The following DDX53 variants were observed in gnomAD, a reference collection of about 807,000 sequenced individuals.
DDX53 encodes the protein DEAD box protein 53.
For synonymous variants in DDX53, 179 were observed against 170.8 expected (o/e 1.05, Z -0.37); for missense variants, 481 against 485.1 (o/e 0.99, Z 0.08).
chrX:23,001,704 C>T lies in DDX53; in HGVS notation c.1647C>T (p.Asp549=), dbSNP rs768020057. The T allele has an allele frequency of 7.4e-6, 9 of 1,208,424 alleles. No homozygotes were observed. Among genetic ancestry groups the T allele is most frequent in the African/African-American group, 3.5e-5 (2 of 57,086 alleles). ...VYNYDFPRNI[D]VYVHRVGYIG... Reference sequence around the variant, plus strand: ...ATTATGATTTCCCAAGGAATATTGACGTATATGTACACAGAGTAGGGTACA... The same window carrying T: ...ATTATGATTTCCCAAGGAATATTGATGTATATGTACACAGAGTAGGGTACA... Residue 549 remains aspartate (D), a synonymous_variant, in exon 1 of 1, where the codon GAC becomes GAT. Coordinates refer to ENST00000327968, the MANE Select transcript of DDX53 (RefSeq NM_182699.4).
Position 23,001,669 on chromosome X carries a change from CAT to C in DDX53, c.1613_1614del (p.His538ArgfsTer3). 1.7e-6 allele frequency: 2 copies of C among 1,210,801 alleles called. No homozygotes were observed. The highest frequency in any genetic ancestry group is 2.2e-6 in the Non-Finnish European group (2 of 894,888). ...AGGTCTTGATCTTAATGATGTCACA[CAT>C]GTATATAATTATGATTTCCCAAGGA... ...SRGLDLNDVTHVYNYDFPRNI... is the reference protein window; with the variant it reads ...SRGLDLNDVTXVYNYDFPRNI... On this transcript the variant is annotated frameshift_variant, in exon 1 of 1. Coordinates refer to ENST00000327968, the MANE Select transcript of DDX53 (RefSeq NM_182699.4). LOFTEE classifies it low-confidence loss of function (END_TRUNC).
rs142798320 is a variant in DDX53 at position 23,001,042 on chromosome X, A to C, written c.985A>C (p.Ile329Leu). The stretch of plus-strand genomic sequence containing the variant: ...ATATAAAGGTCTCAAAAGCATTTGC[A>C]TATATGGTGGTAGAAACAGAAATGG... ...YSYKGLKSIC[I>L]YGGRNRNGQI... is the part of the protein sequence containing the mutation. Residue 329 changes from isoleucine (I) to leucine (L), a missense_variant, in exon 1 of 1, where the codon ATA (isoleucine) becomes CTA (leucine). Coordinates refer to ENST00000327968, the MANE Select transcript of DDX53 (RefSeq NM_182699.4). 1.7e-6 allele frequency: 2 copies of C among 1,204,434 alleles called. No individual in the cohort carries two copies. The highest frequency in any genetic ancestry group is 3.5e-5 in the African/African-American group (2 of 57,129).
chrX:23,000,225 G>A lies in DDX53; in HGVS notation c.168G>A (p.Lys56=). ...SREPPLCFKI[K]NNMVGVVIGY... is the part of the protein sequence containing the mutation. ...AACCACCACTCTGCTTTAAAATAAA[G>A]AACAATATGGTTGGTGTGGTCATTG... The change falls in exon 1 of 1, where the codon AAG becomes AAA. Residue 56 remains lysine (K), a synonymous_variant. Transcript: ENST00000327968. 3 of 1,190,871 alleles carry A rather than the reference G, an allele frequency of 2.5e-6. No individual in the cohort carries two copies.
In DDX53 at chrX:23,001,553, G is replaced by T. The variant is rs76530462; in HGVS notation, c.1496G>T (p.Gly499Val). ...IQGISAESLH[G>V]NSEQSDQERA... ...GGCATATCTGCAGAATCATTACATG[G>T]CAACAGTGAACAGAGTGATCAAGAG... Residue 499 changes from glycine (G) to valine (V), a missense_variant, in exon 1 of 1, where the codon GGC (glycine) becomes GTC (valine). Transcript: ENST00000327968. The T allele has an allele frequency of 4.9e-3, 5,873 of 1,209,612 alleles. 165 individuals carry two copies. The African/African-American group carries it at 0.087, about 18-fold the overall frequency.
rs771105901 is a variant in DDX53, at chrX:23,001,683, T to C, written c.1626T>C (p.Tyr542=). The C allele has an allele frequency of 1.7e-6, 2 of 1,209,781 alleles. No individual in the cohort carries two copies. The highest frequency in any genetic ancestry group is 2.2e-5 in the Admixed American group (1 of 45,771). Residue 542 remains tyrosine (Y), a synonymous_variant, in exon 1 of 1, where the codon TAT becomes TAC. Transcript: ENST00000327968. ...DLNDVTHVYN[Y]DFPRNIDVYV... The stretch of plus-strand genomic sequence containing the variant: ...ATGATGTCACACATGTATATAATTA[T>C]GATTTCCCAAGGAATATTGACGTAT...
In DDX53 at chrX:23,000,453, C is replaced by A. The variant is rs1933790275; in HGVS notation, c.396C>A (p.Thr132=). The A allele has an allele frequency of 1.7e-6, 2 of 1,211,566 alleles. No individual in the cohort carries two copies. The highest frequency in any genetic ancestry group is 2.2e-6 in the Non-Finnish European group (2 of 895,449). ...GTGTGGATAATGCTGCATCCCAAAC[C>A]CCTATTGGAAGAAATCTAGGCAGAA... is the stretch of plus-strand genomic sequence containing the variant. ...ESSVDNAASQ[T]PIGRNLGRND... The change falls in exon 1 of 1, where the codon ACC becomes ACA. Residue 132 remains threonine, a synonymous_variant. Transcript: ENST00000327968.
rs763299198 is a variant in DDX53 at position 23,001,676 on chromosome X, A to G, written c.1619A>G (p.Tyr540Cys). ...GATCTTAATGATGTCACACATGTAT[A>G]TAATTATGATTTCCCAAGGAATATT... ...GLDLNDVTHV[Y>C]NYDFPRNIDV... Residue 540 changes from tyrosine to cysteine, a missense_variant, in exon 1 of 1, where the codon TAT becomes TGT. Coordinates refer to ENST00000327968, the MANE Select transcript of DDX53 (RefSeq NM_182699.4). 10 of 1,209,761 alleles carry G rather than the reference A, an allele frequency of 8.3e-6. No homozygotes were observed. In the African/African-American group the frequency reaches 1.7e-4, roughly 21 times the overall value.
At position 23,001,903 on chromosome X, in the gene DDX53, C is replaced by A. The variant is rs200573414; in HGVS notation, c.1846C>A (p.Arg616=). 5.8e-6 allele frequency: 7 copies of A among 1,201,298 alleles called. No homozygotes were observed. Among genetic ancestry groups the A allele is most frequent in the Non-Finnish European group, 7.8e-6 (7 of 892,386 alleles). ...TCAACAAAAGAGGCACAGAGAAACACGATCAAGAAAACCTGGACAAAGACG... is the reference window on the plus strand; with the variant it reads ...TCAACAAAAGAGGCACAGAGAAACAAGATCAAGAAAACCTGGACAAAGACG... ...LNQQKRHRET[R]SRKPGQRRKE... is the part of the protein sequence containing the mutation. Residue 616 remains arginine (R), a synonymous_variant, in exon 1 of 1, where the codon CGA becomes AGA. Coordinates refer to ENST00000327968, the MANE Select transcript of DDX53 (RefSeq NM_182699.4).
rs777533584 is a variant in DDX53 at position 23,001,927 on chromosome X, C to T, written c.1870C>T (p.Arg624Cys). Residue 624 changes from arginine to cysteine, a missense_variant, in exon 1 of 1, where the codon CGC (arginine) becomes TGC (cysteine). Coordinates refer to ENST00000327968, the MANE Select transcript of DDX53 (RefSeq NM_182699.4). ...ACGATCAAGAAAACCTGGACAAAGA[C>T]GCAAGGAGTTTTATTTTTTAAGTTG... ...ETRSRKPGQR[R>C]KEFYFLS is the part of the protein sequence containing the mutation. The T allele has an allele frequency of 5.9e-6, 7 of 1,190,558 alleles. No individual in the cohort carries two copies. The highest frequency in any genetic ancestry group is 3.8e-5 in the South Asian group (2 of 52,358).
chrX:23,001,489 CAT>C lies in DDX53; in HGVS notation c.1435_1436del (p.Ile479CysfsTer2), dbSNP rs750184889. 1.7e-6 allele frequency: 2 copies of C among 1,211,548 alleles called. No homozygotes were observed. Among genetic ancestry groups the C allele is most frequent in the South Asian group, 1.8e-5 (1 of 56,942 alleles). Reference protein sequence around the residue: ...DKVIMFVSQKHIADDLSSDFN... With the variant: ...DKVIMFVSQKXIADDLSSDFN... ...AGTCATCATGTTTGTCAGCCAAAAA[CAT>C]ATTGCTGATGACTTGTCAAGCGACT... On this transcript the variant is annotated frameshift_variant, in exon 1 of 1. Coordinates refer to ENST00000327968, the MANE Select transcript of DDX53 (RefSeq NM_182699.4). LOFTEE classifies it low-confidence loss of function (END_TRUNC).
rs973763624 is a variant in DDX53, at chrX:23,002,251, C to T, written c.*298C>T. 3.5e-5 allele frequency: 7 copies of T among 201,250 alleles called. No individual in the cohort carries two copies. The highest frequency in any genetic ancestry group is 7.3e-5 in the Admixed American group (1 of 13,709). 16.6% of individuals were successfully genotyped at this position (201,250 alleles called of 1,213,427 possible). A position where few individuals can be genotyped will look rare whatever the true frequency, so the allele number is the denominator to read the frequency against. On this transcript the variant is annotated 3_prime_UTR_variant, in exon 1 of 1. Transcript: ENST00000327968. ...TATGTGAAGGTTTGTTAAAGAAACA[C>T]GTGCCATGGGGGTTTATCAACTTTC...
chrX:23,000,033 G>A lies in DDX53; in HGVS notation c.-25G>A. On this transcript the variant is annotated 5_prime_UTR_variant, in exon 1 of 1. In the 5' UTR this introduces an upstream ATG that the reference lacks. Transcript: ENST00000327968. ...CCAACCGTATGTAGGCGAGAAGCCGGTGCCGATACTCCCACTATCCCACAA... is the reference window on the plus strand; with the variant it reads ...CCAACCGTATGTAGGCGAGAAGCCGATGCCGATACTCCCACTATCCCACAA... 1 of 1,048,271 alleles carries A rather than the reference G, an allele frequency of 9.5e-7. No individual in the cohort carries two copies. Among genetic ancestry groups the A allele is most frequent in the East Asian group, 3.5e-5 (1 of 28,737 alleles). The allele number at this position is 1,048,271 out of a possible 1,213,427, so 86.4% of individuals were successfully genotyped here.
Position 23,001,576 on chromosome X carries a change from G to C in DDX53, c.1519G>C (p.Glu507Gln). The part of the protein sequence containing the change: ...LHGNSEQSDQ[E>Q]RAVEDFKSGN... ...TGGCAACAGTGAACAGAGTGATCAA[G>C]AGCGAGCAGTAGAGGACTTTAAAAG... The change falls in exon 1 of 1, where the codon GAG (glutamate) becomes CAG (glutamine). Residue 507 changes from glutamate (E) to glutamine (Q), a missense_variant. Glu to Gln is a conservative substitution (Grantham distance 29). Transcript: ENST00000327968. 8.3e-7 allele frequency: 1 copy of C among 1,210,903 alleles called. No homozygotes were observed. The highest frequency in any genetic ancestry group is 1.1e-6 in the Non-Finnish European group (1 of 895,121).
rs1933835947 is a variant in DDX53 at position 23,002,708 on chromosome X, CTA to C, written c.*757_*758del. ...GTCTCAAAAATGAGAGAGTGAGAGA[CTA>C]TGTGAAGAGAAAGTAAATGTTATGT... On this transcript the variant is annotated 3_prime_UTR_variant, in exon 1 of 1. Transcript: ENST00000327968. 1 of 118,783 alleles carries C rather than the reference CTA, an allele frequency of 8.4e-6. No individual in the cohort carries two copies. Among genetic ancestry groups the C allele is most frequent in the Admixed American group, 1.0e-4 (1 of 9,891 alleles). 9.8% of individuals were successfully genotyped at this position (118,783 alleles called of 1,213,427 possible). A position where few individuals can be genotyped will look rare whatever the true frequency, so the allele number is the denominator to read the frequency against.
chrX:23,001,864 C>G lies in DDX53; in HGVS notation c.1807C>G (p.Gln603Glu). Reference protein sequence around the residue: ...VPEDLVVMAEQYKLNQQKRHR... With the variant: ...VPEDLVVMAEEYKLNQQKRHR... ...GGAAGATCTTGTAGTAATGGCTGAG[C>G]AATACAAGTTAAATCAACAAAAGAG... Residue 603 changes from glutamine to glutamate, a missense_variant, in exon 1 of 1, where the codon CAA becomes GAA. Physicochemically the swap from Gln to Glu is conservative, Grantham distance 29 (BLOSUM62 2). Transcript: ENST00000327968. 2.5e-6 allele frequency: 3 copies of G among 1,209,952 alleles called. No individual in the cohort carries two copies. The highest frequency in any genetic ancestry group is 3.4e-6 in the Non-Finnish European group (3 of 894,635).
In DDX53 at chrX:23,000,076, G is replaced by C. The variant is rs776485283; in HGVS notation, c.19G>C (p.Glu7Gln). The change falls in exon 1 of 1, where the codon GAG becomes CAG. Residue 7 changes from glutamate (E) to glutamine (Q), a missense_variant. Physicochemically the swap from Glu to Gln is conservative, Grantham distance 29. Transcript: ENST00000327968. Reference protein sequence around the residue: MSHWAPEWKRAEANPRD... With the variant: MSHWAPQWKRAEANPRD... Reference sequence around the variant, plus strand: ...TCCCACAATGTCCCACTGGGCCCCAGAGTGGAAGAGGGCGGAGGCTAATCC... The same window carrying C: ...TCCCACAATGTCCCACTGGGCCCCACAGTGGAAGAGGGCGGAGGCTAATCC... 3 of 1,122,456 alleles carry C rather than the reference G, an allele frequency of 2.7e-6. No homozygotes were observed. Among genetic ancestry groups the C allele is most frequent in the Non-Finnish European group, 3.5e-6 (3 of 853,900 alleles). The allele number at this position is 1,122,456 out of a possible 1,213,427, so 92.5% of individuals were successfully genotyped here.
Position 23,001,705 on chromosome X carries a change from G to A in DDX53, c.1648G>A (p.Val550Ile), listed in dbSNP as rs374604625. ...YNYDFPRNIDVYVHRVGYIGR... is the reference protein window; with the variant it reads ...YNYDFPRNIDIYVHRVGYIGR... ...TTATGATTTCCCAAGGAATATTGAC[G>A]TATATGTACACAGAGTAGGGTACAT... Residue 550 changes from valine to isoleucine, a missense_variant, in exon 1 of 1, where the codon GTA (valine) becomes ATA (isoleucine). Physicochemically the swap from Val to Ile is conservative, Grantham distance 29. Coordinates refer to ENST00000327968, the MANE Select transcript of DDX53 (RefSeq NM_182699.4). 37 of 1,208,772 alleles carry A rather than the reference G, an allele frequency of 3.1e-5. No homozygotes were observed. Among genetic ancestry groups the A allele is most frequent in the Non-Finnish European group, 3.7e-5 (33 of 894,194 alleles).
In DDX53 at chrX:23,000,026, G is replaced by C. The variant is rs770603905; in HGVS notation, c.-32G>C. The C allele has an allele frequency of 1.8e-5, 19 of 1,032,953 alleles. No homozygotes were observed. Among genetic ancestry groups the C allele is most frequent in the Non-Finnish European group, 2.4e-5 (19 of 804,281 alleles). The allele number at this position is 1,032,953 out of a possible 1,213,427, so 85.1% of individuals were successfully genotyped here. A position where few individuals can be genotyped will look rare whatever the true frequency, so the allele number is the denominator to read the frequency against. ...TGAACTTCCAACCGTATGTAGGCGA[G>C]AAGCCGGTGCCGATACTCCCACTAT... On this transcript the variant is annotated 5_prime_UTR_variant, in exon 1 of 1. Coordinates refer to ENST00000327968, the MANE Select transcript of DDX53 (RefSeq NM_182699.4).
chrX:23,003,280 T>A lies in DDX53; in HGVS notation c.*1327T>A, dbSNP rs1489809854. On this transcript the variant is annotated 3_prime_UTR_variant, in exon 1 of 1. Transcript: ENST00000327968. The stretch of plus-strand genomic sequence containing the variant: ...TAAATTTTTTAGAAGATTCCACAAT[T>A]CTATTTTTATCAGAATGATGTCACC... The A allele has an allele frequency of 8.1e-6, 1 of 123,676 alleles. No homozygotes were observed. The highest frequency in any genetic ancestry group is 3.2e-5 in the African/African-American group (1 of 30,887). The allele number at this position is 123,676 out of a possible 1,213,427, so 10.2% of individuals were successfully genotyped here.
Sources: allele counts gnomAD v4.1 joint callset, GRCh38; gene constraint gnomAD v4.1.1; transcripts MANE v1.5; gene names NCBI Gene and HGNC (gene_info 2026-07-23, HGNC 2026-07-21).